The following ARFGAP1 variants were observed in gnomAD, a reference collection of about 807,000 sequenced individuals.
The protein encoded by ARFGAP1 is ARF GTPase activating protein 1.
Under a neutral mutation model 54.0 loss-of-function variants are expected in ARFGAP1, and 26 were observed. That is an observed-to-expected ratio of 0.48 (90% CI 0.35 to 0.67). The LOEUF (loss-of-function observed/expected upper bound fraction) is 0.67, where lower values mean the gene tolerates loss of function less well. Ranked by LOEUF, ARFGAP1 falls within the 30% of genes least tolerant of loss-of-function variation. The pLI is 0.00. For synonymous variants in ARFGAP1, 248 were observed against 211.9 expected (o/e 1.17, Z -1.48); for missense variants, 525 against 535.8 (o/e 0.98, Z 0.20).
chr20:63,281,463 G>A, intron 8 of ARFGAP1, 116 bp downstream of exon 8: 1 of 1,308,014 alleles, frequency 7.6e-7, no homozygotes, highest in East Asian at 2.5e-5. Flanking sequence ...GGGTTTCTGG[G>A]TGCTGTAACC....
At chr20:63,284,711 G>A in intron 9 of ARFGAP1, 155 bp from the exon 10 acceptor site, 1 of 1,474,052 alleles carries the variant, frequency 6.8e-7, no homozygotes, top group South Asian at 1.3e-5. Context: ...GGTGTTGTGT[G>A]CAAAGCCCCG....
At position 63,278,794 on chromosome 20, in the gene ARFGAP1, C is replaced by T. The variant is rs536489658; in HGVS notation, c.531-105C>T. Reference sequence around the variant, plus strand: ...CATGTCCTGTGCGTGGGGACGTTGGCACGTCCCCCAGAGCCCCAGCCTTGC... The same window carrying T: ...CATGTCCTGTGCGTGGGGACGTTGGTACGTCCCCCAGAGCCCCAGCCTTGC... On this transcript the variant is annotated intron_variant, in intron 6 of 12. Transcript: ENST00000370283. 8.2e-5 allele frequency: 82 copies of T among 999,964 alleles called. No individual in the cohort carries two copies. In the Middle Eastern group the frequency reaches 2.8e-3, roughly 34 times the overall value. 61.9% of individuals were successfully genotyped at this position (999,964 alleles called of 1,614,324 possible).
chr20:63,287,816 G>A lies in ARFGAP1; in HGVS notation c.1164G>A (p.Lys388=). The part of the protein sequence containing the change: ...SDGGEGGEGT[K]KAVPPAVPTD... ...GCGGGGAGGGCGGGGAGGGCACCAAGAAGGCAGTGCCGCCGGCCGTGCCCA... is the reference window on the plus strand; with the variant it reads ...GCGGGGAGGGCGGGGAGGGCACCAAAAAGGCAGTGCCGCCGGCCGTGCCCA... The change falls in exon 13 of 13, where the codon AAG becomes AAA. Residue 388 remains lysine, a synonymous_variant. Transcript: ENST00000370283. The A allele has an allele frequency of 1.3e-6, 2 of 1,591,428 alleles. No homozygotes were observed. The highest frequency in any genetic ancestry group is 1.7e-6 in the Non-Finnish European group (2 of 1,169,662).
chr20:63,286,344 C>T (rs1421134603), intron 11 of ARFGAP1, 22 bp from the exon 12 acceptor site: 2 of 1,612,588 alleles, frequency 1.2e-6, no homozygotes, highest in East Asian at 2.2e-5. Flanking sequence ...CCTGCCTAAC[C>T]TCTCTTCCCG....
chr20:63,281,246 C>A, intron 7 of ARFGAP1, 45 bp from the exon 8 acceptor site: 1 of 1,564,046 alleles, frequency 6.4e-7, no homozygotes. Flanking sequence ...CGCCGGGTTC[C>A]TGGGTCCCAG....
rs2067248032 is a variant in ARFGAP1, at chr20:63,276,811, C to T, written c.342+160C>T. On this transcript the variant is annotated intron_variant, in intron 4 of 12. Transcript: ENST00000370283. The surrounding 1 kb of genome is among the most constrained non-coding windows in gnomAD (Gnocchi z 5.2). ...ACTTGCCGCCCTGGAGCAGAGGCTT[C>T]CTGCCCAGAGGGGAGGCAAATGGCT... 2 of 838,726 alleles carry T rather than the reference C, an allele frequency of 2.4e-6. No homozygotes were observed. The highest frequency in any genetic ancestry group is 3.4e-5 in the African/African-American group (2 of 58,512). 52.0% of individuals were successfully genotyped at this position (838,726 alleles called of 1,614,324 possible). A position where few individuals can be genotyped will look rare whatever the true frequency, so the allele number is the denominator to read the frequency against.
In ARFGAP1 at chr20:63,288,544, C is replaced by T. The variant is rs575432490; in HGVS notation, c.*671C>T. The T allele has an allele frequency of 2.2e-6, 1 of 455,574 alleles. No individual in the cohort carries two copies. Among genetic ancestry groups the T allele is most frequent in the African/African-American group, 2.0e-5 (1 of 50,204 alleles). 28.2% of individuals were successfully genotyped at this position (455,574 alleles called of 1,614,324 possible). A position where few individuals can be genotyped will look rare whatever the true frequency, so the allele number is the denominator to read the frequency against. On this transcript the variant is annotated 3_prime_UTR_variant, in exon 13 of 13. Coordinates refer to ENST00000370283, the MANE Select transcript of ARFGAP1 (RefSeq NM_018209.4). ...GCCTCCACAATAGCCACACCCACAC[C>T]TGAGCTGTTCTCAGTGCTGGAACTT...
chr20:63,273,040 C>T (rs1231273574), intron 1 of ARFGAP1, 120 bp downstream of exon 1: 2 of 152,106 alleles, frequency 1.3e-5, no homozygotes, highest in Non-Finnish European at 2.9e-5. Flanking sequence ...CCCGCTCCAC[C>T]CTGAGGCTGC....
rs998632103 is a variant in ARFGAP1, at chr20:63,288,577, C to T, written c.*704C>T. 2 of 447,530 alleles carry T rather than the reference C, an allele frequency of 4.5e-6. No individual in the cohort carries two copies. Among genetic ancestry groups the T allele is most frequent in the African/African-American group, 2.0e-5 (1 of 49,924 alleles). 27.7% of individuals were successfully genotyped at this position (447,530 alleles called of 1,614,324 possible). ...TTCTCAGTGCTGGAACTTGACCATC[C>T]TGGAACACCCTGGAAGAAAAAGGAG... On this transcript the variant is annotated 3_prime_UTR_variant, in exon 13 of 13. Coordinates refer to ENST00000370283, the MANE Select transcript of ARFGAP1 (RefSeq NM_018209.4).
At chr20:63,284,836 G>A (rs757295467) in intron 9 of ARFGAP1, 30 bp from the exon 10 acceptor site, 33 of 1,611,186 alleles carry the variant, frequency 2.0e-5, no homozygotes, top group South Asian at 1.9e-4. Context: ...TGGAGCTGTC[G>A]TGGGGCTCAC....
intron 1 of ARFGAP1, among the ~76,000 whole-genome samples, chr20:63,275,335 G>A (rs1380204248): frequency 6.6e-6 from 1 of 152,184 alleles, no homozygotes; most frequent in Non-Finnish European, 1.5e-5. Flanking sequence ...TAATGATATG[G>A]TCTTCCTGAT....
At chr20:63,274,060 G>A (rs1466872239) in intron 1 of ARFGAP1, 1 of 152,172 alleles carries the variant, frequency 6.6e-6, no homozygotes, top group Non-Finnish European at 1.5e-5. Context: ...GTCATGCTGG[G>A]GGTCCAAGTC....
intron 6 of ARFGAP1, 33 bp from the exon 7 acceptor site, chr20:63,278,866 G>A: frequency 1.2e-6 from 2 of 1,608,554 alleles, no homozygotes; most frequent in Non-Finnish European, 1.7e-6. Flanking sequence ...GTTCATGCCA[G>A]CATCTTCGGC....
rs1263319567 is a variant in ARFGAP1, at chr20:63,285,977, A to G, written c.834+264A>G. On this transcript the variant is annotated intron_variant, in intron 11 of 12. Coordinates refer to ENST00000370283, the MANE Select transcript of ARFGAP1 (RefSeq NM_018209.4). ...GCTGCTGGCCTTTTCCTCGGTAAGT[A>G]AGTGCCAGCGCCGTCTTTGCTGCCA... The G allele has an allele frequency of 2.6e-6, 4 of 1,517,894 alleles. No individual in the cohort carries two copies. The African/African-American group carries it at 5.5e-5, about 21-fold the overall frequency. 94.0% of individuals were successfully genotyped at this position (1,517,894 alleles called of 1,614,324 possible). A position where few individuals can be genotyped will look rare whatever the true frequency, so the allele number is the denominator to read the frequency against.
Position 63,276,026 on chromosome 20 carries a change from G to A in ARFGAP1, c.61-65G>A, listed in dbSNP as rs995557835. On this transcript the variant is annotated intron_variant, in intron 2 of 12. Transcript: ENST00000370283. The surrounding 1 kb of genome is among the most constrained non-coding windows in gnomAD (Gnocchi z 5.2). ...CATTCGCTCCTTGAGGCCACCTGTC[G>A]GGTCTTTGGGGTCCCTGGGCTCTGC... 20 of 1,482,174 alleles carry A rather than the reference G, an allele frequency of 1.3e-5. No individual in the cohort carries two copies. Among genetic ancestry groups the A allele is most frequent in the South Asian group, 2.3e-5 (2 of 88,344 alleles). 91.8% of individuals were successfully genotyped at this position (1,482,174 alleles called of 1,614,324 possible). A position where few individuals can be genotyped will look rare whatever the true frequency, so the allele number is the denominator to read the frequency against.
chr20:63,285,324 C>T (rs2067502240), intron 10 of ARFGAP1, among the ~76,000 whole-genome samples: 1 of 152,196 alleles, frequency 6.6e-6, no homozygotes, highest in African/African-American at 2.4e-5. Context: ...GGTCAAGAGC[C>T]CCGCCAGCTC....
chr20:63,282,143 C>G (rs1010928700), intron 8 of ARFGAP1, among the ~76,000 whole-genome samples: 1 of 152,282 alleles, frequency 6.6e-6, no homozygotes, highest in Non-Finnish European at 1.5e-5. Context: ...ACTCTGGCCC[C>G]GTGTCTTCCC....
chr20:63,288,040 G>A lies in ARFGAP1; in HGVS notation c.*167G>A, dbSNP rs548145077. 2.4e-5 allele frequency: 20 copies of A among 826,334 alleles called. No individual in the cohort carries two copies. The highest frequency in any genetic ancestry group is 1.2e-4 in the African/African-American group (7 of 58,216). The allele number at this position is 826,334 out of a possible 1,614,324, so 51.2% of individuals were successfully genotyped here. A position where few individuals can be genotyped will look rare whatever the true frequency, so the allele number is the denominator to read the frequency against. Reference sequence around the variant, plus strand: ...AGACCCGGGTGTGCGCCGCCTGCGCGTGGGGAGTCTTCGGTGCGTGGGGGC... The same window carrying A: ...AGACCCGGGTGTGCGCCGCCTGCGCATGGGGAGTCTTCGGTGCGTGGGGGC... On this transcript the variant is annotated 3_prime_UTR_variant, in exon 13 of 13. Transcript: ENST00000370283.
rs746804287 is a variant in ARFGAP1 at position 63,284,835 on chromosome 20, CGTG to C, written c.718-29_718-27del. 12 of 1,610,988 alleles carry C rather than the reference CGTG, an allele frequency of 7.4e-6. No homozygotes were observed. The Admixed American group carries it at 1.0e-4, about 13-fold the overall frequency. ...GACCCGTGTCCCGTGGTGGAGCTGT[CGTG>C]GGGCTCACGTGACTTCCCTTCCTAC... On this transcript the variant is annotated intron_variant, in intron 9 of 12. Coordinates refer to ENST00000370283, the MANE Select transcript of ARFGAP1 (RefSeq NM_018209.4).
Sources: gnomAD v4.1 joint callset for allele counts (sites outside exome capture counted in the v4.1 genomes callset) on GRCh38, gnomAD v4.1.1 for gene constraint, Gnocchi (gnomAD v3.1) non-coding constraint, MANE v1.5 for transcripts, NCBI Gene and HGNC (gene_info 2026-07-23, HGNC 2026-07-21) for gene names.